The following RAD51B variants were observed in gnomAD, a reference collection of about 807,000 sequenced individuals.
RAD51B encodes the protein RAD51 paralog B.
In RAD51B, 38 loss-of-function variants were observed where a neutral mutation model predicts 42.2. That is an observed-to-expected ratio of 0.90 (90% confidence interval 0.70 to 1.18). The LOEUF is 1.18. Among genes scored for constraint, RAD51B ranks in the 50% most tolerant of loss-of-function variants. The probability of loss-of-function intolerance (pLI) is 0.00; values close to 1 mark genes in which losing one functional copy is unlikely to be tolerated. For synonymous variants in RAD51B, 154 were observed against 145.2 expected, an observed-to-expected ratio of 1.06 and a Z score of -0.43; for missense variants, 373 against 400.7, an observed-to-expected ratio of 0.93 and a Z score of 0.59.
In RAD51B at chr14:68,578,518, C is replaced by T. The variant is rs112817649; in HGVS notation, c.1037-15967C>T. Among the ~76,000 whole-genome samples the T allele has an allele frequency of 3.2e-3, 486 of 152,362 alleles. 2 individuals carry two copies. Among genetic ancestry groups the T allele is most frequent in the African/African-American group, 0.011 (457 of 41,594 alleles). On this transcript the variant is annotated intron_variant, in intron 10 of 10. Coordinates refer to the RAD51B transcript ENST00000487270. Reference sequence around the variant, plus strand: ...TCAGAATCTGCCGGCCCACCTCACACATGACTTCCTATGCAATTAGTATAA... The same window carrying T: ...TCAGAATCTGCCGGCCCACCTCACATATGACTTCCTATGCAATTAGTATAA...
chr14:68,243,038 A>G (rs1269668809), intron 7 of RAD51B, among the ~76,000 whole-genome samples: 4 of 152,220 alleles, frequency 2.6e-5, no homozygotes, highest in African/African-American at 9.6e-5. Flanking sequence ...AATGTATACT[A>G]TACTACTAAT....
chr14:68,248,662 A>G (rs902330791), intron 7 of RAD51B, among the ~76,000 whole-genome samples: 2 of 152,208 alleles, frequency 1.3e-5, no homozygotes, highest in South Asian at 4.1e-4. Flanking sequence ...TGAGGCATAA[A>G]ACCATCTGTG....
At chr14:68,025,811 C>A (rs940782929) in intron 7 of RAD51B, among the ~76,000 whole-genome samples, 4 of 151,912 alleles carry the variant, frequency 2.6e-5, no homozygotes, top group African/African-American at 7.2e-5. Context: ...TTTCAAAGAA[C>A]CAGCTGTTGG....
At chr14:67,995,602 T>A (rs913848296) in intron 7 of RAD51B, among the ~76,000 whole-genome samples, 1 of 151,232 alleles carries the variant, frequency 6.6e-6, no homozygotes, top group African/African-American at 2.4e-5. Flanking sequence ...GCCCTGCTGA[T>A]TTTATATTCT....
At chr14:68,595,309 A>G (rs1250869867) in exon 11 of RAD51B, 1 of 1,066,248 alleles carries the variant, frequency 9.4e-7, no homozygotes, top group Non-Finnish European at 1.1e-6. Context: ...CTTTGCTGTT[A>G]CAATAAGCTT....
intron 9 of RAD51B, among the ~76,000 whole-genome samples, chr14:68,412,099 T>G (rs567334457): frequency 7.1e-4 from 108 of 152,342 alleles, no homozygotes; most frequent in Non-Finnish European, 1.2e-3. Flanking sequence ...TGAAAATCCT[T>G]CCCTTACATC....
intron 8 of RAD51B, among the ~76,000 whole-genome samples, chr14:68,297,883 A>ATT (rs778923256): frequency 2.2e-4 from 33 of 152,304 alleles, no homozygotes; most frequent in Middle Eastern, 3.4e-3. Context: ...GAAGTTTTAA[A>ATT]TTTGGTTACT....
intron 7 of RAD51B, among the ~76,000 whole-genome samples, chr14:68,104,967 A>G (rs1350765226): frequency 6.6e-6 from 1 of 152,128 alleles, no homozygotes; most frequent in East Asian, 1.9e-4. Flanking sequence ...AAGAATACAG[A>G]TGTAAATAGG....
chr14:67,976,541 A>T (rs1200107163), intron 7 of RAD51B, among the ~76,000 whole-genome samples: 1 of 152,090 alleles, frequency 6.6e-6, no homozygotes. Flanking sequence ...TACATGTGCC[A>T]TGTTGGTGTG....
chr14:68,595,778 C>A, exon 11 of RAD51B: 2 of 415,908 alleles, frequency 4.8e-6, no homozygotes, highest in South Asian at 2.2e-4. Flanking sequence ...GTGTTCACAC[C>A]ATATTATTAA....
At chr14:68,455,350 A>G (rs752708536) in intron 9 of RAD51B, among the ~76,000 whole-genome samples, 30 of 152,208 alleles carry the variant, frequency 2.0e-4, no homozygotes, top group Non-Finnish European at 4.1e-4. Context: ...CACCTGCCAT[A>G]CAGAAAATAC....
chr14:67,834,870 G>C (rs1287857470), intron 3 of RAD51B, among the ~76,000 whole-genome samples: 1 of 152,102 alleles, frequency 6.6e-6, no homozygotes, highest in Non-Finnish European at 1.5e-5. Context: ...ATAAGACTGT[G>C]AGGGCAACGT....
chr14:68,406,628 G>A (rs140975066), intron 8 of RAD51B, among the ~76,000 whole-genome samples: 313 of 152,038 alleles, frequency 2.1e-3, no homozygotes, highest in Non-Finnish European at 2.9e-3. Flanking sequence ...CATAAACCCC[G>A]TATCCTTAGG....
At chr14:68,300,145 G>T (rs1319718477) in intron 8 of RAD51B, among the ~76,000 whole-genome samples, 1 of 152,186 alleles carries the variant, frequency 6.6e-6, no homozygotes, top group Non-Finnish European at 1.5e-5. Flanking sequence ...CAGCTGAGCA[G>T]ATATTATAAG....
At chr14:68,582,648 A>C (rs1250861409) in intron 10 of RAD51B, among the ~76,000 whole-genome samples, 1 of 152,242 alleles carries the variant, frequency 6.6e-6, no homozygotes, top group African/African-American at 2.4e-5. Context: ...CAATCCCATT[A>C]CTGGGTATAT....
At chr14:68,196,178 G>A (rs1396507872) in intron 7 of RAD51B, among the ~76,000 whole-genome samples, 1 of 148,244 alleles carries the variant, frequency 6.7e-6, no homozygotes, top group Non-Finnish European at 1.5e-5. Context: ...GCGACAGAGT[G>A]AGACTCCATC....
intron 7 of RAD51B, among the ~76,000 whole-genome samples, chr14:68,124,693 C>T (rs2077718919): frequency 6.6e-6 from 1 of 152,146 alleles, no homozygotes; most frequent in Non-Finnish European, 1.5e-5. Context: ...GTGGCTCACA[C>T]CTGTAATCTC....
chr14:68,581,024 A>G (rs932158316), intron 10 of RAD51B, among the ~76,000 whole-genome samples: 4 of 152,190 alleles, frequency 2.6e-5, no homozygotes, highest in African/African-American at 9.7e-5. Context: ...TTTTATTAAT[A>G]TAGTAGAATT....
intron 10 of RAD51B, among the ~76,000 whole-genome samples, chr14:68,483,596 T>C (rs1303639701): frequency 6.6e-6 from 1 of 152,206 alleles, no homozygotes; most frequent in African/African-American, 2.4e-5. Context: ...CTTTTGGAAA[T>C]GTGCCCTTCC....
Sources: gnomAD v4.1 joint callset for allele counts (sites outside exome capture counted in the v4.1 genomes callset) on GRCh38, gnomAD v4.1.1 for gene constraint, MANE v1.5 for transcripts, NCBI Gene and HGNC (gene_info 2026-07-23, HGNC 2026-07-21) for gene names.